VAX2: variants seen among roughly 807,000 people sequenced by gnomAD.
The protein encoded by VAX2 is ventral anterior homeobox 2.
Under a neutral mutation model 12.5 loss-of-function variants are expected in VAX2, and 8 were observed. The ratio of observed to expected loss-of-function variants is 0.64; its 90% CI spans 0.37 to 1.15. VAX2 has a LOEUF of 1.15. Among genes scored for constraint, VAX2 ranks in the 50% most tolerant of loss-of-function variants. VAX2 has a pLI of 0.01. For missense variants in VAX2, 476 were observed against 412.9 expected, an observed-to-expected ratio of 1.15 and a Z score of -1.32; for synonymous variants, 183 against 187.6, an observed-to-expected ratio of 0.98 and a Z score of 0.20.
At chr2:70,921,834 G>C (rs1440478395) in intron 2 of VAX2, among the ~76,000 whole-genome samples, 1 of 152,018 alleles carries the variant, frequency 6.6e-6, no homozygotes, top group African/African-American at 2.4e-5. Context: ...TAACAGCAGT[G>C]TGCTTAACTC....
rs543769715 is a variant in VAX2, at chr2:70,908,808, A to G, written c.247+7940A>G. 8.5e-5 allele frequency among the ~76,000 whole-genome samples: 13 copies of G among 152,350 alleles called. No homozygotes were observed. In the South Asian group the frequency reaches 2.3e-3, roughly 27 times the overall value. On this transcript the variant is annotated intron_variant, in intron 1 of 2. Coordinates refer to ENST00000234392, the MANE Select transcript of VAX2 (RefSeq NM_012476.3). ...ATGTCTGAAAGTGGTTGTTTCTCCA[A>G]AATTTGCCAGCACAGTTCACATTTT... is the stretch of plus-strand genomic sequence containing the variant.
chr2:70,916,578 C>A (rs6546653), intron 1 of VAX2, among the ~76,000 whole-genome samples: 79,518 of 152,022 alleles, frequency 0.52, 21,624 homozygotes, highest in East Asian at 0.71. Context: ...CTGGTCTCCA[C>A]CTCTATAATT....
intron 2 of VAX2, among the ~76,000 whole-genome samples, chr2:70,927,559 T>C (rs1015425509): frequency 2.0e-5 from 3 of 150,276 alleles, no homozygotes; most frequent in Non-Finnish European, 4.4e-5. Context: ...TATGGGCCCA[T>C]GGTCACAGAA....
chr2:70,909,796 G>C (rs969113591), intron 1 of VAX2, among the ~76,000 whole-genome samples: 2 of 151,988 alleles, frequency 1.3e-5, no homozygotes, highest in African/African-American at 2.4e-5. Context: ...TATTTAACTA[G>C]TCCTCTATTA....
At chr2:70,915,510 G>A (rs527525793) in intron 1 of VAX2, among the ~76,000 whole-genome samples, 8 of 152,150 alleles carry the variant, frequency 5.3e-5, no homozygotes, top group South Asian at 2.1e-4. Flanking sequence ...GATTACAGGC[G>A]TGAGCCACCA....
intron 1 of VAX2, among the ~76,000 whole-genome samples, chr2:70,913,493 A>G (rs999596049): frequency 2.0e-5 from 3 of 152,130 alleles, no homozygotes; most frequent in Middle Eastern, 3.2e-3. Context: ...TCTGGCCAAC[A>G]TGGTGAAACC....
chr2:70,920,513 C>G (rs1400596281), intron 1 of VAX2, among the ~76,000 whole-genome samples: 2 of 152,102 alleles, frequency 1.3e-5, no homozygotes, highest in Non-Finnish European at 2.9e-5. Context: ...AGCAGTTGTC[C>G]TTGGGCTCCT....
chr2:70,931,970 T>C (rs782483246), intron 2 of VAX2, among the ~76,000 whole-genome samples: 4 of 152,240 alleles, frequency 2.6e-5, no homozygotes, highest in Non-Finnish European at 4.4e-5. Context: ...AATCACCTGG[T>C]GAGCTTTAAA....
chr2:70,904,791 G>C lies in VAX2; in HGVS notation c.247+3923G>C, dbSNP rs114442016. ...GAAGCCCAGGCCTCTTGCTTGGGCT[G>C]GGCGATTCCCGCCGTGGGACGGGTG... On this transcript the variant is annotated intron_variant, in intron 1 of 2. Transcript: ENST00000234392. The surrounding 1 kb of genome is among the most constrained non-coding windows in gnomAD (Gnocchi z 4.2). 9.7e-3 allele frequency among the ~76,000 whole-genome samples: 1,473 copies of C among 152,354 alleles called. 30 individuals are homozygous for C. Among genetic ancestry groups the C allele is most frequent in the African/African-American group, 0.033 (1,391 of 41,582 alleles).
chr2:70,913,156 C>A (rs1553411414), intron 1 of VAX2, among the ~76,000 whole-genome samples: 1 of 152,210 alleles, frequency 6.6e-6, no homozygotes, highest in East Asian at 1.9e-4. Flanking sequence ...AAGTCCATCA[C>A]AAGTGGACAG....
intron 2 of VAX2, among the ~76,000 whole-genome samples, chr2:70,930,417 CCTGCCCA>C (rs782585961): frequency 1.3e-5 from 2 of 152,142 alleles, no homozygotes; most frequent in Non-Finnish European, 2.9e-5. Flanking sequence ...CAAAAGGACC[CCTGCCCA>C]CTCTTTACCT....
At chr2:70,931,205 G>T (rs1483250954) in intron 2 of VAX2, among the ~76,000 whole-genome samples, 1 of 152,214 alleles carries the variant, frequency 6.6e-6, no homozygotes, top group Non-Finnish European at 1.5e-5. Flanking sequence ...AGCACTGGGT[G>T]TTGGGTAGTA....
At chr2:70,923,229 A>G (rs1679500393) in intron 2 of VAX2, among the ~76,000 whole-genome samples, 1 of 152,154 alleles carries the variant, frequency 6.6e-6, no homozygotes, top group Non-Finnish European at 1.5e-5. Context: ...CTCTGTCCCC[A>G]GTCCTAGGGT....
intron 1 of VAX2, among the ~76,000 whole-genome samples, chr2:70,912,482 C>T (rs1278608393): frequency 5.9e-5 from 9 of 151,910 alleles, no homozygotes; most frequent in African/African-American, 1.5e-4. Flanking sequence ...GGCAACATGG[C>T]GAAACCCCGT....
At chr2:70,927,050 C>A (rs1019423209) in intron 2 of VAX2, among the ~76,000 whole-genome samples, 1 of 152,160 alleles carries the variant, frequency 6.6e-6, no homozygotes, top group Non-Finnish European at 1.5e-5. Flanking sequence ...CGTGTTGTAA[C>A]ACTTACTGCT....
chr2:70,929,478 GGAGTTCGA>G (rs57049666), intron 2 of VAX2, among the ~76,000 whole-genome samples: 50,677 of 151,704 alleles, frequency 0.33, 8,555 homozygotes, highest in East Asian at 0.48. Context: ...CACGAGGTCA[GGAGTTCGA>G]GACCAGCCTG....
chr2:70,902,030 C>A (rs1678945624), intron 1 of VAX2, among the ~76,000 whole-genome samples: 1 of 152,244 alleles, frequency 6.6e-6, no homozygotes, highest in Admixed American at 6.5e-5. Flanking sequence ...CTTTGGCCTC[C>A]GCCTGGGGAA....
chr2:70,906,913 G>A (rs528011923), intron 1 of VAX2, among the ~76,000 whole-genome samples: 2 of 152,324 alleles, frequency 1.3e-5, no homozygotes, highest in South Asian at 2.1e-4. Flanking sequence ...CCACGTAGGA[G>A]GTGGTCACTG....
Position 70,933,050 on chromosome 2 carries a change from C to G in VAX2, c.719C>G (p.Pro240Arg), listed in dbSNP as rs140956448. 45 of 1,603,044 alleles carry G rather than the reference C, an allele frequency of 2.8e-5. No homozygotes were observed. The highest frequency in any genetic ancestry group is 3.4e-5 in the Non-Finnish European group (40 of 1,174,930). The change falls in exon 3 of 3, where the codon CCA becomes CGA. Residue 240 changes from proline (P) to arginine (R), a missense_variant. Physicochemically the swap from Pro to Arg is moderately radical, Grantham distance 103. Transcript: ENST00000234392. ...NPLSSASASP[P>R]LPPPLPAVCF... ...CTGTCCTCGGCCTCAGCGTCCCCCCCACTGCCGCCCCCTCTGCCAGCTGTC... is the reference window on the plus strand; with the variant it reads ...CTGTCCTCGGCCTCAGCGTCCCCCCGACTGCCGCCCCCTCTGCCAGCTGTC...
Sources: allele counts gnomAD v4.1 joint callset (sites outside exome capture counted in the v4.1 genomes callset), GRCh38; gene constraint gnomAD v4.1.1; non-coding constraint Gnocchi (gnomAD v3.1); transcripts MANE v1.5; gene names NCBI Gene and HGNC (gene_info 2026-07-23, HGNC 2026-07-21).